Variants in ZXDC observed in about 807,000 individuals in gnomAD.
The protein encoded by ZXDC is zinc finger protein ZXDC.
In ZXDC, 58 loss-of-function variants were observed where a neutral mutation model predicts 63.6. That is an observed-to-expected ratio of 0.91 (90% CI 0.74 to 1.13). The LOEUF (loss-of-function observed/expected upper bound fraction) is 1.13. ZXDC is among the 50% of genes most tolerant of loss of function. The pLI is 0.00. For missense variants in ZXDC, 1,133 were observed against 1,148.9 expected, an observed-to-expected ratio of 0.99 and a Z score of 0.20; for synonymous variants, 561 against 496.1, an observed-to-expected ratio of 1.13 and a Z score of -1.74.
rs1209557952 is a variant in ZXDC, at chr3:126,475,126, T to C, written c.740A>G (p.Lys247Arg). 3 of 1,610,518 alleles carry C rather than the reference T, an allele frequency of 1.9e-6. No homozygotes were observed. Among genetic ancestry groups the C allele is most frequent in the East Asian group, 4.5e-5 (2 of 44,718 alleles). ...GAGGTTATAGACCGTAGTGAACTTCTTGCCACAGCCGCCCACTGGACAGCC... is the reference window on the plus strand; with the variant it reads ...GAGGTTATAGACCGTAGTGAACTTCCTGCCACAGCCGCCCACTGGACAGCC... The part of the protein sequence containing the change: ...PFGCPVGGCG[K>R]KFTTVYNLKA... Residue 247 changes from lysine (K) to arginine (R), a missense_variant, in exon 1 of 10, where the codon AAG becomes AGG. Transcript: ENST00000389709.
In ZXDC at chr3:126,471,917, G is replaced by C. The variant is rs1041135786; in HGVS notation, c.1139+56C>G. The C allele has an allele frequency of 4.9e-6, 7 of 1,427,236 alleles. No homozygotes were observed. In the African/African-American group the frequency reaches 8.6e-5, roughly 17 times the overall value. The allele number at this position is 1,427,236 out of a possible 1,614,324, so 88.4% of individuals were successfully genotyped here. A position where few individuals can be genotyped will look rare whatever the true frequency, so the allele number is the denominator to read the frequency against. On this transcript the variant is annotated intron_variant, in intron 3 of 9. Transcript: ENST00000389709. ...GATATTTCATTCATTGGTTTCTGCT[G>C]CTGACAAACCACTCATTTTCAAACC... is the stretch of plus-strand genomic sequence containing the variant.
intron 5 of ZXDC, among the ~76,000 whole-genome samples, chr3:126,463,319 T>A (rs1934633369): frequency 6.6e-6 from 1 of 152,284 alleles, no homozygotes; most frequent in Admixed American, 6.5e-5. Context: ...TCGGCCCGCC[T>A]GGGCCTCCCA....
chr3:126,438,852 GGCCCCATCTA>G (rs1413090457), intron 9 of ZXDC, among the ~76,000 whole-genome samples: 1 of 152,194 alleles, frequency 6.6e-6, no homozygotes, highest in Non-Finnish European at 1.5e-5. Context: ...GGGCTATGGA[GGCCCCATCTA>G]GCCTGTCTCC....
chr3:126,450,690 G>A, intron 7 of ZXDC: 1 of 353,246 alleles, frequency 2.8e-6, no homozygotes, highest in Non-Finnish European at 5.7e-6. Context: ...GGCAGCAACA[G>A]GAAGAAAGGG....
Position 126,475,565 on chromosome 3 carries a change from G to A in ZXDC, c.301C>T (p.Arg101Cys). The A allele has an allele frequency of 1.4e-6, 2 of 1,419,200 alleles. No individual in the cohort carries two copies. The highest frequency in any genetic ancestry group is 2.0e-4 in the Middle Eastern group (1 of 4,908). The allele number at this position is 1,419,200 out of a possible 1,614,324, so 87.9% of individuals were successfully genotyped here. ...TCGGGGCGGCTCGCCAGGTTGACACGGGAGCCAGGCTCGGCCTCCTGTGAT... is the reference window on the plus strand; with the variant it reads ...TCGGGGCGGCTCGCCAGGTTGACACAGGAGCCAGGCTCGGCCTCCTGTGAT... ...AGSQEAEPGS[R>C]VNLASRPEQG... Residue 101 changes from arginine (R) to cysteine (C), a missense_variant, in exon 1 of 10, where the codon CGT becomes TGT. By Grantham distance (180) the Arg-to-Cys change is radical (BLOSUM62 -3). Transcript: ENST00000389709.
At chr3:126,474,909 G>A (rs1410103545) in intron 1 of ZXDC, 50 bp downstream of exon 1, 19 of 1,516,946 alleles carry the variant, frequency 1.3e-5, no homozygotes, top group Non-Finnish European at 1.6e-5. Flanking sequence ...TGGCACCCCA[G>A]ACCTGCCTGC....
chr3:126,440,104 C>T, intron 8 of ZXDC: 2 of 1,035,172 alleles, frequency 1.9e-6, no homozygotes, highest in Non-Finnish European at 2.3e-6. Context: ...TCCAGCAAAT[C>T]CTCGGGCCCC....
intron 8 of ZXDC, chr3:126,440,665 C>T (rs1434410372): frequency 4.1e-6 from 4 of 985,842 alleles, no homozygotes; most frequent in African/African-American, 1.7e-5. Context: ...GAGTTCTTAC[C>T]TCTTCAGAAG....
chr3:126,475,491 C>G lies in ZXDC; in HGVS notation c.375G>C (p.Pro125=). The G allele has an allele frequency of 8.2e-7, 1 of 1,221,124 alleles. No homozygotes were observed. Among genetic ancestry groups the G allele is most frequent in the Non-Finnish European group, 1.0e-6 (1 of 982,990 alleles). The allele number at this position is 1,221,124 out of a possible 1,614,324, so 75.6% of individuals were successfully genotyped here. Residue 125 remains proline, a synonymous_variant, in exon 1 of 10, where the codon CCG becomes CCC. Coordinates refer to ENST00000389709, the MANE Select transcript of ZXDC (RefSeq NM_025112.5). ...PAAPPGPGVA[P]AGAVTISSQD... ...GGCTGCTGATGGTGACGGCGCCCGC[C>G]GGGGCTACGCCAGGGCCGGGGGGGG...
At chr3:126,460,416 C>T (rs555385742) in intron 6 of ZXDC, 16 of 956,250 alleles carry the variant, frequency 1.7e-5, no homozygotes, top group African/African-American at 5.3e-5. Flanking sequence ...CTCAGAGAAG[C>T]GAGGTAGCCC....
At chr3:126,448,727 C>T (rs1021892578) in intron 7 of ZXDC, among the ~76,000 whole-genome samples, 1 of 152,222 alleles carries the variant, frequency 6.6e-6, no homozygotes, top group Admixed American at 6.5e-5. Flanking sequence ...CAGGGGCCAC[C>T]CAGGAAGAAC....
Position 126,474,959 on chromosome 3 carries a change from C to A in ZXDC, c.907G>T (p.Gly303Cys). The part of the protein sequence containing the change: ...PERPYKCDFP[G>C]CEKTFITVSA... ...CGCCCGCCCCCGAGAGCGCGGTTAC[C>A]GGGAAAGTCACACTTGTAAGGGCGC... is the stretch of plus-strand genomic sequence containing the variant. The change falls in exon 1 of 10, where the codon GGC (glycine) becomes TGC (cysteine). Residue 303 changes from glycine to cysteine, a missense_variant and splice_region_variant. Gly to Cys is a radical substitution (Grantham distance 159, BLOSUM62 -3). Coordinates refer to ENST00000389709, the MANE Select transcript of ZXDC (RefSeq NM_025112.5). 1 of 1,567,642 alleles carries A rather than the reference C, an allele frequency of 6.4e-7. No homozygotes were observed. Among genetic ancestry groups the A allele is most frequent in the Non-Finnish European group, 8.7e-7 (1 of 1,155,346 alleles).
Position 126,459,200 on chromosome 3 carries a change from T to TAAGATTTCAA in ZXDC, c.2212+443_2212+452dup, listed in dbSNP as rs538104774. The stretch of plus-strand genomic sequence containing the variant: ...CAAGTAAGTTGCTAACATTTTCAAA[T>TAAGATTTCAA]AAGATTTCAACATAACTCTGACAAT... On this transcript the variant is annotated intron_variant, in intron 7 of 9. Coordinates refer to ENST00000389709, the MANE Select transcript of ZXDC (RefSeq NM_025112.5). The TAAGATTTCAA allele has an allele frequency of 4.3e-4, 427 of 985,434 alleles. No individual in the cohort carries two copies. The African/African-American group carries it at 6.7e-3, about 15-fold the overall frequency. 61.0% of individuals were successfully genotyped at this position (985,434 alleles called of 1,614,324 possible). A position where few individuals can be genotyped will look rare whatever the true frequency, so the allele number is the denominator to read the frequency against.
chr3:126,438,139 C>A lies in ZXDC; in HGVS notation c.*236G>T, dbSNP rs1343091725. 3 of 570,900 alleles carry A rather than the reference C, an allele frequency of 5.3e-6. No individual in the cohort carries two copies. The highest frequency in any genetic ancestry group is 3.0e-5 in the East Asian group (1 of 33,640). The allele number at this position is 570,900 out of a possible 1,614,324, so 35.4% of individuals were successfully genotyped here. ...GTGCACCTAGCCCTGCTGAGGGAGACCCTTGCCTTGCCAAAGCACTTTGCT... is the reference window on the plus strand; with the variant it reads ...GTGCACCTAGCCCTGCTGAGGGAGAACCTTGCCTTGCCAAAGCACTTTGCT... On this transcript the variant is annotated 3_prime_UTR_variant, in exon 10 of 10. Transcript: ENST00000389709.
At chr3:126,464,457 G>A (rs1461636854) in intron 5 of ZXDC, among the ~76,000 whole-genome samples, 2 of 152,204 alleles carry the variant, frequency 1.3e-5, no homozygotes, top group African/African-American at 4.8e-5. Context: ...GTGTTCTCGA[G>A]TGCCTGTTTT....
intron 8 of ZXDC, chr3:126,440,974 C>G (rs545606739): frequency 1.0e-6 from 1 of 985,552 alleles, no homozygotes; most frequent in Non-Finnish European, 1.2e-6. Context: ...GGCCTGCAAC[C>G]GCATCCCCTG....
intron 6 of ZXDC, 127 bp downstream of exon 6, chr3:126,461,408 T>C (rs1934528483): frequency 7.0e-7 from 1 of 1,433,794 alleles, no homozygotes; most frequent in South Asian, 1.5e-5. Flanking sequence ...TCCAGACTTG[T>C]AGTCCAGGGC....
chr3:126,450,771 G>A, intron 7 of ZXDC: 1 of 350,842 alleles, frequency 2.9e-6, no homozygotes, highest in South Asian at 2.1e-5. Context: ...TTACATCACT[G>A]ACTTAATTTC....
chr3:126,453,686 G>A (rs928516611), intron 7 of ZXDC: 35 of 985,052 alleles, frequency 3.6e-5, no homozygotes, highest in Admixed American at 6.2e-5. Flanking sequence ...TTTGTAATTA[G>A]CTTTTATTTT....
Sources: allele counts gnomAD v4.1 joint callset (sites outside exome capture counted in the v4.1 genomes callset), GRCh38; gene constraint gnomAD v4.1.1; transcripts MANE v1.5; gene names NCBI Gene and HGNC (gene_info 2026-07-23, HGNC 2026-07-21).